The following GABBR2 variants were observed in gnomAD, a reference collection of about 807,000 sequenced individuals.
GABBR2 encodes the protein G-protein coupled receptor 51.
A neutral mutation model predicts 105.6 loss-of-function variants in GABBR2; 23 were observed. That is an observed-to-expected ratio of 0.22 (90% CI 0.16 to 0.31). The LOEUF (loss-of-function observed/expected upper bound fraction) is 0.31, where lower values mean the gene tolerates loss of function less well. Among genes scored for constraint, GABBR2 ranks in the 10% least tolerant of loss-of-function variants. The pLI is 1.00. For missense variants in GABBR2, 734 were observed against 1,245.5 expected (o/e 0.59, Z 6.18); for synonymous variants, 478 against 499.7 (o/e 0.96, Z 0.58).
intron 3 of GABBR2, among the ~76,000 whole-genome samples, chr9:98,505,457 T>TGTGCGC (rs57918974): frequency 6.0e-5 from 9 of 149,302 alleles, no homozygotes; most frequent in African/African-American, 2.2e-4. Context: ...TGTGTGTGTG[T>TGTGCGC]GCATGTGCGT....
intron 1 of GABBR2, among the ~76,000 whole-genome samples, chr9:98,643,299 C>T (rs557354886): frequency 8.5e-5 from 13 of 152,302 alleles, no homozygotes; most frequent in Admixed American, 2.6e-4. Context: ...GATGGGGCAG[C>T]GACAGGGGTG....
At chr9:98,596,653 AT>A (rs1250623027) in intron 1 of GABBR2, among the ~76,000 whole-genome samples, 1 of 151,938 alleles carries the variant, frequency 6.6e-6, no homozygotes, top group African/African-American at 2.4e-5. Flanking sequence ...GCCCCTTGCT[AT>A]TTCTCACTAT....
intron 2 of GABBR2, among the ~76,000 whole-genome samples, chr9:98,559,127 T>C (rs941089548): frequency 4.6e-5 from 7 of 151,598 alleles, no homozygotes; most frequent in Non-Finnish European, 7.4e-5. Flanking sequence ...AATTAACTAA[T>C]TTATTTTTAT....
At chr9:98,475,121 C>G (rs1245074272) in intron 5 of GABBR2, among the ~76,000 whole-genome samples, 1 of 152,166 alleles carries the variant, frequency 6.6e-6, no homozygotes, top group Non-Finnish European at 1.5e-5. Context: ...TTCGATGATA[C>G]AGGACCTTCG....
intron 3 of GABBR2, among the ~76,000 whole-genome samples, chr9:98,518,801 C>T (rs1046517071): frequency 1.3e-5 from 2 of 152,162 alleles, no homozygotes; most frequent in African/African-American, 4.8e-5. Flanking sequence ...AGACAGTCTG[C>T]GCTTCCCCTC....
chr9:98,320,699 G>A (rs10124957), intron 13 of GABBR2, among the ~76,000 whole-genome samples: 76,471 of 150,946 alleles, frequency 0.51, 19,928 homozygotes, highest in East Asian at 0.73. Context: ...GAAATTGGAA[G>A]TCATCATTCT....
At chr9:98,428,141 G>A (rs568486447) in intron 7 of GABBR2, among the ~76,000 whole-genome samples, 3 of 152,314 alleles carry the variant, frequency 2.0e-5, no homozygotes, top group African/African-American at 7.2e-5. Context: ...AATTCATCCT[G>A]GATGGCTCAA....
At chr9:98,677,921 C>G (rs749744811) in intron 1 of GABBR2, among the ~76,000 whole-genome samples, 1 of 152,156 alleles carries the variant, frequency 6.6e-6, no homozygotes, top group Non-Finnish European at 1.5e-5. Flanking sequence ...TAGGGCCTGA[C>G]TGTCCTTTGT....
chr9:98,612,512 T>A (rs2131814859), intron 1 of GABBR2, among the ~76,000 whole-genome samples: 1 of 152,330 alleles, frequency 6.6e-6, no homozygotes, highest in South Asian at 2.1e-4. Flanking sequence ...TCTAATGTGC[T>A]GTCACAGCCT....
At chr9:98,398,190 T>C (rs1326905981) in intron 8 of GABBR2, among the ~76,000 whole-genome samples, 2 of 152,228 alleles carry the variant, frequency 1.3e-5, no homozygotes, top group East Asian at 1.9e-4. Flanking sequence ...GGAGCCAGAA[T>C]GTGTCCTTTA....
intron 13 of GABBR2, among the ~76,000 whole-genome samples, chr9:98,315,991 C>T (rs924573409): frequency 1.5e-4 from 23 of 152,242 alleles, no homozygotes; most frequent in Admixed American, 1.4e-3. Context: ...GGACTGTCCA[C>T]GCAGGCCAGG....
At chr9:98,627,929 T>C (rs1174031718) in intron 1 of GABBR2, among the ~76,000 whole-genome samples, 4 of 152,242 alleles carry the variant, frequency 2.6e-5, no homozygotes, top group Non-Finnish European at 4.4e-5. Context: ...GCGTGTTCAA[T>C]TGGGCCTGAA....
chr9:98,311,061 C>A (rs773497724), intron 14 of GABBR2, 34 bp downstream of exon 14: 2 of 1,153,628 alleles, frequency 1.7e-6, no homozygotes, highest in African/African-American at 1.5e-5. Context: ...AAAGAAGTGT[C>A]CCCCCTCAAC....
intron 3 of GABBR2, among the ~76,000 whole-genome samples, chr9:98,540,316 G>A (rs866313936): frequency 3.3e-5 from 5 of 152,208 alleles, no homozygotes; most frequent in African/African-American, 1.2e-4. Context: ...TACAGTTTAC[G>A]AAGCTCTTTC....
intron 13 of GABBR2, among the ~76,000 whole-genome samples, chr9:98,331,158 C>G (rs1256363224): frequency 6.6e-6 from 1 of 152,172 alleles, no homozygotes; most frequent in African/African-American, 2.4e-5. Flanking sequence ...AGCAGATGAA[C>G]ATTTGGGTTG....
At position 98,577,959 on chromosome 9, in the gene GABBR2, G is replaced by C; in HGVS notation, c.435C>G (p.Ser145=). 1.2e-6 allele frequency: 2 copies of C among 1,613,566 alleles called. No individual in the cohort carries two copies. The highest frequency in any genetic ancestry group is 1.7e-6 in the Non-Finnish European group (2 of 1,179,614). Residue 145 remains serine (S), a synonymous_variant, in exon 2 of 19, where the codon TCC becomes TCG. Coordinates refer to ENST00000259455, the MANE Select transcript of GABBR2 (RefSeq NM_005458.8). ...CPSVTSIIAE[S]LQGWNLVQLS... The stretch of plus-strand genomic sequence containing the variant: ...CCTGCACCAGATTCCAGCCTTGGAG[G>C]GACTCTGCAATGATGGATGTGACGG...
At chr9:98,668,191 A>G (rs972666557) in intron 1 of GABBR2, among the ~76,000 whole-genome samples, 3 of 152,288 alleles carry the variant, frequency 2.0e-5, no homozygotes, top group East Asian at 1.9e-4. Context: ...ACACTCCCCA[A>G]TAAAACTTTT....
chr9:98,319,764 A>G (rs1830787019), intron 13 of GABBR2, among the ~76,000 whole-genome samples: 1 of 152,174 alleles, frequency 6.6e-6, no homozygotes. Flanking sequence ...GCAGAAAAGA[A>G]CCTGGAACTA....
intron 7 of GABBR2, among the ~76,000 whole-genome samples, chr9:98,430,271 A>G (rs1275271601): frequency 5.5e-5 from 8 of 146,712 alleles, no homozygotes; most frequent in Admixed American, 1.4e-4. Flanking sequence ...GCCTGGCGAC[A>G]GAGCGAGACT....
Sources: gnomAD v4.1 joint callset for allele counts (sites outside exome capture counted in the v4.1 genomes callset) on GRCh38, gnomAD v4.1.1 for gene constraint, MANE v1.5 for transcripts, NCBI Gene and HGNC (gene_info 2026-07-23, HGNC 2026-07-21) for gene names.